Variants in IBTK observed in about 807,000 individuals in gnomAD.
The protein encoded by IBTK is inhibitor of Bruton tyrosine kinase, also known as BTK-binding protein.
IBTK carries 83 observed loss-of-function variants against 154.9 expected under a neutral mutation model. That is an observed-to-expected ratio of 0.54 (90% confidence interval 0.45 to 0.64). IBTK has a LOEUF of 0.64. Among genes scored for constraint, IBTK ranks in the 30% least tolerant of loss-of-function variants. The pLI, the probability that IBTK is intolerant of heterozygous loss-of-function variation, is 0.00. For missense variants in IBTK, 1,332 were observed against 1,584.6 expected (o/e 0.84, Z 2.71); for synonymous variants, 515 against 536.1 (o/e 0.96, Z 0.54).
intron 16 of IBTK, 126 bp downstream of exon 16, chr6:82,210,688 T>C (rs1769602082): frequency 5.6e-6 from 2 of 355,872 alleles, no homozygotes; most frequent in Non-Finnish European, 1.0e-5. Context: ...AATTAAATAT[T>C]TTAAAAATAA....
intron 4 of IBTK, among the ~76,000 whole-genome samples, chr6:82,227,707 A>T (rs1249492689): frequency 2.0e-5 from 3 of 152,148 alleles, no homozygotes; most frequent in Non-Finnish European, 4.4e-5. Flanking sequence ...GATATATGGT[A>T]CTAATAAAAA....
chr6:82,202,195 T>C (rs147263427), intron 18 of IBTK, among the ~76,000 whole-genome samples: 149 of 152,296 alleles, frequency 9.8e-4, no homozygotes, highest in African/African-American at 3.1e-3. Context: ...AATGAAGCTT[T>C]AAAATAAAAA....
chr6:82,200,753 G>GTTTTTTTTTTTTTTTT, intron 19 of IBTK, 45 bp from the exon 20 acceptor site: 4 of 392,562 alleles, frequency 1.0e-5, no homozygotes, highest in South Asian at 6.6e-5. Context: ...AATCTGTGAA[G>GTTTTTTTTTTTTTTTT]TTTTTTTTTT....
rs973972285 is a variant in IBTK at position 82,247,701 on chromosome 6, G to A, written c.-497C>T. 10 of 398,492 alleles carry A rather than the reference G, an allele frequency of 2.5e-5. No homozygotes were observed. Among genetic ancestry groups the A allele is most frequent in the African/African-American group, 2.1e-4 (10 of 48,626 alleles). 24.7% of individuals were successfully genotyped at this position (398,492 alleles called of 1,614,324 possible). A position where few individuals can be genotyped will look rare whatever the true frequency, so the allele number is the denominator to read the frequency against. On this transcript the variant is annotated 5_prime_UTR_variant, in exon 1 of 29. Coordinates refer to ENST00000306270, the MANE Select transcript of IBTK (RefSeq NM_015525.4). ...CCCCAGACCCGGGTCAGTTCGGCAG[G>A]CGGCTGCAATACAGCCGCTACTACA...
At chr6:82,226,927 A>C (rs1770320070) in intron 5 of IBTK, among the ~76,000 whole-genome samples, 1 of 152,112 alleles carries the variant, frequency 6.6e-6, no homozygotes, top group Admixed American at 6.6e-5. Flanking sequence ...CTTCTATTTC[A>C]ACTCTAGAAA....
At chr6:82,211,612 TA>T (rs781108631) in intron 13 of IBTK, 40 bp from the exon 14 acceptor site, 2 of 1,503,398 alleles carry the variant, frequency 1.3e-6, no homozygotes, top group Admixed American at 3.4e-5. Flanking sequence ...GCAATTTCTT[TA>T]CATATTTAGT....
At chr6:82,230,135 T>C (rs774518777) in intron 4 of IBTK, among the ~76,000 whole-genome samples, 1 of 152,168 alleles carries the variant, frequency 6.6e-6, no homozygotes, top group Non-Finnish European at 1.5e-5. Flanking sequence ...CTAAAAACTG[T>C]CTAAGAATTC....
At chr6:82,228,410 C>A (rs1416600114) in intron 4 of IBTK, among the ~76,000 whole-genome samples, 2 of 151,994 alleles carry the variant, frequency 1.3e-5, no homozygotes, top group African/African-American at 4.8e-5. Flanking sequence ...TTAGCTGTAC[C>A]ACAAATACCT....
intron 19 of IBTK, 39 bp from the exon 20 acceptor site, chr6:82,200,747 T>G: frequency 8.3e-7 from 1 of 1,203,526 alleles, no homozygotes; most frequent in Non-Finnish European, 1.1e-6. Flanking sequence ...ATACAAAATC[T>G]GTGAAGTTTT....
intron 24 of IBTK, 66 bp downstream of exon 24, chr6:82,191,721 A>C (rs528469577): frequency 1.0e-6 from 1 of 955,254 alleles, no homozygotes; most frequent in South Asian, 1.3e-5. Context: ...AAGATGCAGT[A>C]AGTCTGTCCA....
chr6:82,229,807 C>T (rs1026441249), intron 4 of IBTK, among the ~76,000 whole-genome samples: 5 of 152,156 alleles, frequency 3.3e-5, no homozygotes, highest in East Asian at 3.8e-4. Flanking sequence ...TATTAGCTTT[C>T]ATGACACCAT....
chr6:82,196,268 G>T (rs1333870794), intron 22 of IBTK, 30 bp downstream of exon 22: 1 of 1,524,074 alleles, frequency 6.6e-7, no homozygotes, highest in Non-Finnish European at 8.8e-7. Context: ...AAAATCTGAA[G>T]GTAAGGAGGT....
Position 82,182,001 on chromosome 6 carries a change from G to C in IBTK, c.3603C>G (p.Ser1201=). The C allele has an allele frequency of 6.2e-7, 1 of 1,603,396 alleles. No individual in the cohort carries two copies. The highest frequency in any genetic ancestry group is 2.3e-5 in the East Asian group (1 of 44,350). Residue 1201 remains serine (S), a synonymous_variant, in exon 26 of 29, where the codon TCC becomes TCG. Coordinates refer to ENST00000306270, the MANE Select transcript of IBTK (RefSeq NM_015525.4). The part of the protein sequence containing the change: ...AWASSLHSVS[S]KSFRDFLLEE... ...CTAGTAAGAAATCCCGGAATGACTT[G>C]GATGAAACTGAATGCAGAGAAGATG...
intron 1 of IBTK, 94 bp from the exon 2 acceptor site, chr6:82,240,937 C>A (rs989992604): frequency 4.0e-5 from 16 of 398,362 alleles, no homozygotes; most frequent in African/African-American, 3.1e-4. Flanking sequence ...TATTTAGATG[C>A]CCTTAACCCA....
chr6:82,216,893 C>A (rs1397017580), intron 10 of IBTK, among the ~76,000 whole-genome samples: 2 of 151,836 alleles, frequency 1.3e-5, no homozygotes, highest in African/African-American at 4.8e-5. Context: ...AGTGCTTCCA[C>A]AAAGATATGA....
chr6:82,220,644 CA>C lies in IBTK; in HGVS notation c.1193del (p.Leu398Ter). The C allele has an allele frequency of 3.7e-6, 6 of 1,610,920 alleles. No individual in the cohort carries two copies. The highest frequency in any genetic ancestry group is 5.1e-6 in the Non-Finnish European group (6 of 1,178,616). On this transcript the variant is annotated frameshift_variant, in exon 9 of 29. Transcript: ENST00000306270. LOFTEE classifies it high-confidence loss of function. ...HMEYKVDPEH[L>X]KENGGQKICI... ...AAATTTTTTGACCCCCATTTTCTTTCAAATGTTCAGGATCAACCTTGTATTC... is the reference window on the plus strand; with the variant it reads ...AAATTTTTTGACCCCCATTTTCTTTCAATGTTCAGGATCAACCTTGTATTC...
At position 82,211,778 on chromosome 6, in the gene IBTK, G is replaced by A. The variant is rs961488659; in HGVS notation, c.2292-206C>T. ...AGTAAAGACAATATTTGAAAAGGGA[G>A]CCGAATACAAATATTCAAAAAGTAT... is the stretch of plus-strand genomic sequence containing the variant. On this transcript the variant is annotated intron_variant, in intron 13 of 28. Coordinates refer to ENST00000306270, the MANE Select transcript of IBTK (RefSeq NM_015525.4). Among the ~76,000 whole-genome samples the A allele has an allele frequency of 2.0e-5, 3 of 152,102 alleles. No individual in the cohort carries two copies. In the East Asian group the frequency reaches 5.8e-4, roughly 29 times the overall value.
At chr6:82,219,152 T>C (rs1005489623) in intron 9 of IBTK, among the ~76,000 whole-genome samples, 4 of 152,032 alleles carry the variant, frequency 2.6e-5, no homozygotes, top group Non-Finnish European at 4.4e-5. Context: ...CAGGGGTACA[T>C]GTGCAGGATG....
chr6:82,227,113 AAAATTTAGTTAATT>A, intron 5 of IBTK, 65 bp downstream of exon 5: 2 of 966,528 alleles, frequency 2.1e-6, no homozygotes, highest in Non-Finnish European at 1.6e-6. Context: ...AGTTGAAAAA[AAAATTTAGTTAATT>A]AAATCTTTCA....
Sources: gnomAD v4.1 joint callset for allele counts (sites outside exome capture counted in the v4.1 genomes callset) on GRCh38, gnomAD v4.1.1 for gene constraint, MANE v1.5 for transcripts, NCBI Gene and HGNC (gene_info 2026-07-23, HGNC 2026-07-21) for gene names.